CAB39: variants seen among roughly 807,000 people sequenced by gnomAD.
CAB39 encodes calcium binding protein 39, also known as calcium-binding protein 39.
In CAB39, 8 loss-of-function variants were observed where a neutral mutation model predicts 40.0. The observed-to-expected ratio is 0.20, with a 90% CI of 0.12 to 0.36. The LOEUF (loss-of-function observed/expected upper bound fraction) is 0.36. Ranked by LOEUF, CAB39 falls within the 10% of genes least tolerant of loss-of-function variation. The probability of loss-of-function intolerance (pLI) is 1.00; values close to 1 mark genes in which losing one functional copy is unlikely to be tolerated. For synonymous variants in CAB39, 156 were observed against 141.6 expected (o/e 1.10, Z -0.72); for missense variants, 270 against 401.1 (o/e 0.67, Z 2.79).
intron 1 of CAB39, among the ~76,000 whole-genome samples, chr2:230,723,948 A>G (rs962710746): frequency 2.6e-5 from 4 of 152,218 alleles, no homozygotes; most frequent in Non-Finnish European, 5.9e-5. Context: ...TCAGTATGCA[A>G]ATAGCATAAA....
At chr2:230,808,351 T>C (rs960902839) in intron 5 of CAB39, among the ~76,000 whole-genome samples, 5 of 152,126 alleles carry the variant, frequency 3.3e-5, no homozygotes, top group Non-Finnish European at 7.4e-5. Context: ...CACTATTCTT[T>C]AGGGGTGGGG....
chr2:230,817,706 T>A (rs747450991), intron 7 of CAB39, 48 bp from the exon 8 acceptor site: 6 of 1,456,182 alleles, frequency 4.1e-6, no homozygotes, highest in Non-Finnish European at 5.6e-6. Context: ...AAACTTTGAT[T>A]TTTCTTTAAG....
chr2:230,798,578 G>A (rs1295655163), intron 4 of CAB39, 151 bp from the exon 5 acceptor site: 6 of 588,940 alleles, frequency 1.0e-5, no homozygotes, highest in South Asian at 6.1e-5. Flanking sequence ...GCTCTGCTCC[G>A]ACTGAAATAC....
intron 5 of CAB39, among the ~76,000 whole-genome samples, chr2:230,802,252 A>G (rs1404225052): frequency 6.6e-6 from 1 of 152,252 alleles, no homozygotes. Context: ...TCTCTGGGAC[A>G]CATTTAAAAC....
At chr2:230,761,397 T>C (rs1695288290) in intron 2 of CAB39, among the ~76,000 whole-genome samples, 1 of 152,190 alleles carries the variant, frequency 6.6e-6, no homozygotes, top group African/African-American at 2.4e-5. Flanking sequence ...AAATATGACA[T>C]ACCATTAATA....
At chr2:230,767,378 C>T (rs1695405173) in intron 2 of CAB39, among the ~76,000 whole-genome samples, 1 of 152,350 alleles carries the variant, frequency 6.6e-6, no homozygotes, top group African/African-American at 2.4e-5. Context: ...CTTGTTCCCA[C>T]TGAGCTGTCC....
At chr2:230,725,129 C>T (rs1482219119) in intron 1 of CAB39, 1 of 1,612,638 alleles carries the variant, frequency 6.2e-7, no homozygotes, top group Non-Finnish European at 8.5e-7. Context: ...GGATTGAGAG[C>T]TTCCCAGAGA....
At chr2:230,758,457 C>T (rs1056474304) in intron 1 of CAB39, among the ~76,000 whole-genome samples, 1 of 152,102 alleles carries the variant, frequency 6.6e-6, no homozygotes, top group Non-Finnish European at 1.5e-5. Context: ...TGGAACAGTT[C>T]ACATCAGAAC....
chr2:230,804,188 G>A (rs1377727989), intron 5 of CAB39, among the ~76,000 whole-genome samples: 2 of 152,326 alleles, frequency 1.3e-5, no homozygotes, highest in East Asian at 3.9e-4. Flanking sequence ...GGGAAAACTG[G>A]CTAGCCATGT....
intron 2 of CAB39, among the ~76,000 whole-genome samples, chr2:230,785,177 T>C (rs1287197173): frequency 6.6e-6 from 1 of 152,196 alleles, no homozygotes; most frequent in African/African-American, 2.4e-5. Context: ...TGACTTTTCA[T>C]AATCTTTGAA....
chr2:230,738,260 G>A (rs191218970), intron 1 of CAB39, among the ~76,000 whole-genome samples: 61 of 152,270 alleles, frequency 4.0e-4, no homozygotes, highest in African/African-American at 1.4e-3. Context: ...AACACCTAGC[G>A]AATATGTACC....
chr2:230,746,342 G>A lies in CAB39; in HGVS notation c.-43-13617G>A, dbSNP rs114067915. Among the ~76,000 whole-genome samples, 385 of 152,276 alleles carry A rather than the reference G, an allele frequency of 2.5e-3. 1 individual carries two copies. The highest frequency in any genetic ancestry group is 9.0e-3 in the African/African-American group (375 of 41,550). On this transcript the variant is annotated intron_variant, in intron 1 of 8. Transcript: ENST00000258418. ...GTGTTCGCAGACATTGGGTTAGGGA[G>A]TACACATCACAGTATGTAACACACC...
At chr2:230,743,996 T>A (rs1694929243) in intron 1 of CAB39, among the ~76,000 whole-genome samples, 1 of 151,164 alleles carries the variant, frequency 6.6e-6, no homozygotes, top group Admixed American at 6.6e-5. Flanking sequence ...CTCAGCTCAC[T>A]GCAAACTTTG....
chr2:230,762,342 C>T (rs1695310075), intron 2 of CAB39, among the ~76,000 whole-genome samples: 2 of 152,342 alleles, frequency 1.3e-5, no homozygotes, highest in African/African-American at 4.8e-5. Flanking sequence ...GGACTTTTGA[C>T]TGAACCACAT....
chr2:230,805,980 A>T (rs1696186489), intron 5 of CAB39, among the ~76,000 whole-genome samples: 1 of 152,218 alleles, frequency 6.6e-6, no homozygotes. Flanking sequence ...ATAACAGAGG[A>T]TCCTAAAACT....
rs181378233 is a variant in CAB39, at chr2:230,772,030, T to A, written c.114+11915T>A. On this transcript the variant is annotated intron_variant, in intron 2 of 8. Coordinates refer to ENST00000258418, the MANE Select transcript of CAB39 (RefSeq NM_016289.4). ...TTGGGTTAGGCAAATAATTTTTGGATGTTATGCAAAAAGCACAATTCATTT... is the reference window on the plus strand; with the variant it reads ...TTGGGTTAGGCAAATAATTTTTGGAAGTTATGCAAAAAGCACAATTCATTT... Among the ~76,000 whole-genome samples the A allele has an allele frequency of 2.2e-4, 34 of 152,300 alleles. No individual in the cohort carries two copies. In the South Asian group the frequency reaches 3.1e-3, roughly 14 times the overall value.
chr2:230,779,313 C>T (rs1695647808), intron 2 of CAB39: 1 of 152,280 alleles, frequency 6.6e-6, no homozygotes, highest in Non-Finnish European at 1.5e-5. Context: ...ACTCCCACCA[C>T]ATACGGCTGC....
chr2:230,755,956 C>T (rs916671974), intron 1 of CAB39, among the ~76,000 whole-genome samples: 2 of 152,184 alleles, frequency 1.3e-5, no homozygotes, highest in Admixed American at 6.5e-5. Flanking sequence ...CAGACATGTG[C>T]CCATGTGCTG....
intron 2 of CAB39, among the ~76,000 whole-genome samples, chr2:230,789,831 G>A (rs766893523): frequency 4.6e-5 from 7 of 152,176 alleles, no homozygotes; most frequent in Admixed American, 2.0e-4. Context: ...TGGCTCCCCC[G>A]TCCTGGTGCT....
Sources: allele counts gnomAD v4.1 joint callset (sites outside exome capture counted in the v4.1 genomes callset), GRCh38; gene constraint gnomAD v4.1.1; transcripts MANE v1.5; gene names NCBI Gene and HGNC (gene_info 2026-07-23, HGNC 2026-07-21).